NBAS: variants seen among roughly 807,000 people sequenced by gnomAD.
NBAS encodes NAG/BC035112 fusion.
In NBAS, 219 loss-of-function variants were observed where a neutral mutation model predicts 302.5. The ratio of observed to expected loss-of-function variants is 0.72; its 90% CI spans 0.65 to 0.81. NBAS has a LOEUF of 0.81. Among genes scored for constraint, NBAS ranks in the 30% least tolerant of loss-of-function variants. NBAS has a pLI of 0.00. For synonymous variants in NBAS, 1,118 were observed against 1,021.6 expected, an observed-to-expected ratio of 1.09 and a Z score of -1.80; for missense variants, 2,932 against 2,841.6, an observed-to-expected ratio of 1.03 and a Z score of -0.72.
chr2:15,244,028 T>C (rs1302808517), intron 44 of NBAS, among the ~76,000 whole-genome samples: 4 of 152,134 alleles, frequency 2.6e-5, no homozygotes, highest in Non-Finnish European at 5.9e-5. Context: ...AATGATGTCA[T>C]CCTTAAACAG....
chr2:14,973,580 C>T, the NBAS span, among the ~76,000 whole-genome samples: 1 of 152,138 alleles, frequency 6.6e-6, no homozygotes, highest in South Asian at 2.1e-4. Context: ...TTCATTGACA[C>T]ACACAAAGAA....
rs111269831 is a variant in NBAS at position 15,393,965 on chromosome 2, G to A, written c.3257+262C>T. ...AGCCCTGATGAGGAGAAGGGAGCAC[G>A]ATAAAGAAAAGCAAGAGAGAAAGGA... On this transcript the variant is annotated intron_variant, in intron 28 of 51. Transcript: ENST00000281513. Among the ~76,000 whole-genome samples, 1,030 of 152,112 alleles carry A rather than the reference G, an allele frequency of 6.8e-3. 12 individuals are homozygous for A. The highest frequency in any genetic ancestry group is 0.022 in the African/African-American group (928 of 41,522).
chr2:15,170,281 C>T (rs1051107563), intron 51 of NBAS, among the ~76,000 whole-genome samples: 2 of 152,160 alleles, frequency 1.3e-5, no homozygotes, highest in African/African-American at 4.8e-5. Flanking sequence ...GTGTTTCTGG[C>T]TGGATATACC....
At position 15,352,071 on chromosome 2, in the gene NBAS, T is replaced by C; in HGVS notation, c.4100A>G (p.Gln1367Arg). ...SSSLQTEILY[Q>R]RVNFQIHHEG... ...ATGATGGATCTGGAAATTCACTCTT[T>C]GATAAAGAATCTAAAACAAGAATAG... Residue 1367 changes from glutamine (Q) to arginine (R), a missense_variant, in exon 35 of 52, where the codon CAA becomes CGA. Coordinates refer to ENST00000281513, the MANE Select transcript of NBAS (RefSeq NM_015909.4). 4.4e-6 allele frequency: 7 copies of C among 1,608,160 alleles called. No homozygotes were observed. The highest frequency in any genetic ancestry group is 6.0e-6 in the Non-Finnish European group (7 of 1,174,778).
At chr2:14,861,485 A>G in the NBAS span, among the ~76,000 whole-genome samples, 56 of 152,204 alleles carry the variant, frequency 3.7e-4, no homozygotes, top group Non-Finnish European at 7.8e-4. Flanking sequence ...GAAAATGCAC[A>G]TGCCAGTTTA....
rs546003891 is a variant in NBAS at position 15,200,709 on chromosome 2, G to A, written c.6433-10306C>T. Among the ~76,000 whole-genome samples, 74 of 152,212 alleles carry A rather than the reference G, an allele frequency of 4.9e-4. No individual in the cohort carries two copies. In the Middle Eastern group the frequency reaches 0.01, roughly 21 times the overall value. On this transcript the variant is annotated intron_variant, in intron 48 of 51. Transcript: ENST00000281513. ...TGTTTCTCTCCTCATTGAATTAGGTGACTTTTGCCCTTGTTGTGTATGTCA... is the reference window on the plus strand; with the variant it reads ...TGTTTCTCTCCTCATTGAATTAGGTAACTTTTGCCCTTGTTGTGTATGTCA...
chr2:15,442,671 A>G (rs1396126912), intron 21 of NBAS, among the ~76,000 whole-genome samples: 2 of 151,906 alleles, frequency 1.3e-5, no homozygotes, highest in African/African-American at 4.8e-5. Context: ...ACTGAAGGAA[A>G]TAGAGACACA....
Position 15,443,729 on chromosome 2 carries a change from G to A in NBAS, c.2340-15935C>T, listed in dbSNP as rs1012456348. Among the ~76,000 whole-genome samples the A allele has an allele frequency of 4.0e-5, 6 of 151,174 alleles. No individual in the cohort carries two copies. In the East Asian group the frequency reaches 7.8e-4, roughly 20 times the overall value. On this transcript the variant is annotated intron_variant, in intron 21 of 51. Transcript: ENST00000281513. ...AGTCAAATTGTCCCTGTTTGCAGAC[G>A]ACATGATTGTGTATCTAGAAAACCC...
intron 19 of NBAS, among the ~76,000 whole-genome samples, chr2:15,463,845 AG>A (rs1243300023): frequency 1.3e-5 from 2 of 148,456 alleles, no homozygotes; most frequent in Admixed American, 6.7e-5. Context: ...AGATGTTATT[AG>A]GGAATTACTA....
the NBAS span, among the ~76,000 whole-genome samples, chr2:14,780,368 T>G: frequency 6.6e-6 from 1 of 152,260 alleles, no homozygotes; most frequent in Non-Finnish European, 1.5e-5. Flanking sequence ...GGATTCAGTC[T>G]GGAAGTTGAT....
At chr2:14,978,337 A>T in the NBAS span, among the ~76,000 whole-genome samples, 1 of 152,206 alleles carries the variant, frequency 6.6e-6, no homozygotes, top group Non-Finnish European at 1.5e-5. Context: ...CCCAAAGTGT[A>T]AGCTTTGTAG....
Position 15,418,303 on chromosome 2 carries a change from C to T in NBAS, c.2578-591G>A, listed in dbSNP as rs537880565. On this transcript the variant is annotated intron_variant, in intron 23 of 51. Coordinates refer to ENST00000281513, the MANE Select transcript of NBAS (RefSeq NM_015909.4). The stretch of plus-strand genomic sequence containing the variant: ...ACAGACTGATATTCCTGAAGATGCT[C>T]AGGAAACAGCCATTTGACCCCTATT... 9.8e-5 allele frequency among the ~76,000 whole-genome samples: 15 copies of T among 152,290 alleles called. No individual in the cohort carries two copies. In the East Asian group the frequency reaches 2.7e-3, roughly 27 times the overall value.
the NBAS span, among the ~76,000 whole-genome samples, chr2:15,020,231 G>C: frequency 6.6e-6 from 1 of 152,332 alleles, no homozygotes; most frequent in South Asian, 2.1e-4. Flanking sequence ...AAGAGGGCAA[G>C]ACTTGATTTT....
chr2:15,422,525 A>G (rs1476853183), intron 23 of NBAS, among the ~76,000 whole-genome samples: 1 of 151,844 alleles, frequency 6.6e-6, no homozygotes, highest in Admixed American at 6.6e-5. Flanking sequence ...AAGTCTATAA[A>G]TAAATAACAA....
chr2:15,169,275 CT>C (rs1239430495), intron 51 of NBAS, among the ~76,000 whole-genome samples: 2 of 152,058 alleles, frequency 1.3e-5, no homozygotes, highest in African/African-American at 4.8e-5. Context: ...AGGAATTTAC[CT>C]TTGTTTTTGT....
At chr2:15,535,232 G>T (rs568343169) in intron 8 of NBAS, among the ~76,000 whole-genome samples, 11 of 152,188 alleles carry the variant, frequency 7.2e-5, no homozygotes, top group Admixed American at 7.2e-4. Context: ...ATATAAAATG[G>T]CATAGTAGGC....
intron 44 of NBAS, 122 bp from the exon 45 acceptor site, chr2:15,238,808 G>A: frequency 1.2e-6 from 1 of 820,282 alleles, no homozygotes; most frequent in Non-Finnish European, 1.8e-6. Flanking sequence ...CCAATAAATA[G>A]CACTTGTTAT....
chr2:15,363,752 A>G (rs1368401182), intron 32 of NBAS, among the ~76,000 whole-genome samples: 1 of 152,218 alleles, frequency 6.6e-6, no homozygotes, highest in African/African-American at 2.4e-5. Flanking sequence ...AGTTATCTTA[A>G]AGTTCAAAGT....
chr2:14,875,856 G>A, the NBAS span, among the ~76,000 whole-genome samples: 2 of 152,070 alleles, frequency 1.3e-5, no homozygotes, highest in African/African-American at 4.8e-5. Context: ...TCTCTGGAAA[G>A]GAAGGGGAAA....
Sources: allele counts gnomAD v4.1 joint callset (sites outside exome capture counted in the v4.1 genomes callset), GRCh38; gene constraint gnomAD v4.1.1; transcripts MANE v1.5; gene names NCBI Gene and HGNC (gene_info 2026-07-23, HGNC 2026-07-21).